Variants in PCDH11X observed in about 807,000 individuals in gnomAD.
The protein encoded by PCDH11X is protocadherin 11 X-linked, also known as protocadherin-11 X-linked.
In PCDH11X, 18 loss-of-function variants were observed where a neutral mutation model predicts 53.3. The observed-to-expected ratio is 0.34, with a 90% confidence interval of 0.23 to 0.50. The LOEUF is 0.50. Ranked by LOEUF, PCDH11X falls within the 20% of genes least tolerant of loss-of-function variation. The probability of loss-of-function intolerance (pLI) is 0.98; values close to 1 mark genes in which losing one functional copy is unlikely to be tolerated. For synonymous variants in PCDH11X, 279 were observed against 393.3 expected, an observed-to-expected ratio of 0.71 and a Z score of 3.44; for missense variants, 570 against 1,032.4, an observed-to-expected ratio of 0.55 and a Z score of 6.14.
chrX:92,201,876 G>A (rs749207767), intron 7 of PCDH11X, among the ~76,000 whole-genome samples: 17 of 111,639 alleles, frequency 1.5e-4, no homozygotes, highest in African/African-American at 5.2e-4. Context: ...CAAATCTGGG[G>A]GATAATGTTA....
Position 92,079,057 on chromosome X carries a change from T to A in PCDH11X, c.3034-122318T>A, listed in dbSNP as rs766541687. Among the ~76,000 whole-genome samples the A allele has an allele frequency of 2.1e-3, 233 of 110,579 alleles. 1 individual carries two copies. The highest frequency in any genetic ancestry group is 7.2e-3 in the African/African-American group (219 of 30,433). ...CTGTTGCAAATGACAAATGTAGTCA[T>A]TTGTAATAAATGGCTACAAACTTAG... On this transcript the variant is annotated intron_variant, in intron 6 of 10. Transcript: ENST00000682573.
rs766179694 is a variant in PCDH11X, at chrX:92,262,586, A to G, written c.3115-528A>G. On this transcript the variant is annotated intron_variant, in intron 7 of 10. Transcript: ENST00000682573. ...AACAGAGTTGATTTAAGATGCCCCT[A>G]TGAACAACAGAAACTATTGATTTAA... Among the ~76,000 whole-genome samples the G allele has an allele frequency of 3.6e-5, 4 of 111,741 alleles. No homozygotes were observed. In the East Asian group the frequency reaches 1.1e-3, roughly 31 times the overall value.
At chrX:91,987,761 C>CT (rs1279370475) in intron 6 of PCDH11X, among the ~76,000 whole-genome samples, 2 of 109,704 alleles carry the variant, frequency 1.8e-5, no homozygotes, top group African/African-American at 3.3e-5. Context: ...CATGAAGTGA[C>CT]TTTTTTTGTT....
intron 6 of PCDH11X, among the ~76,000 whole-genome samples, chrX:91,881,444 C>A (rs1939902654): frequency 9.0e-6 from 1 of 111,119 alleles, no homozygotes; most frequent in Admixed American, 9.6e-5. Context: ...TATTTCACAG[C>A]TTAAAAAGTA....
At chrX:92,200,807 C>A (rs2066376875) in intron 6 of PCDH11X, among the ~76,000 whole-genome samples, 1 of 112,128 alleles carries the variant, frequency 8.9e-6, no homozygotes, top group African/African-American at 3.2e-5. Context: ...GCCCTTGAAG[C>A]CATTAGGTTG....
intron 6 of PCDH11X, among the ~76,000 whole-genome samples, chrX:92,135,756 T>G (rs1469275346): frequency 2.3e-5 from 2 of 87,771 alleles, no homozygotes; most frequent in African/African-American, 1.0e-4. Context: ...TGTGTGCATG[T>G]TTGTGTGTGT....
chrX:92,406,907 A>G (rs1245763544), intron 9 of PCDH11X, among the ~76,000 whole-genome samples: 1 of 96,760 alleles, frequency 1.0e-5, no homozygotes, highest in Non-Finnish European at 2.0e-5. Context: ...AGCCCGGGCA[A>G]CAGAGTGAAA....
chrX:92,420,283 G>T (rs1326238091), intron 9 of PCDH11X, among the ~76,000 whole-genome samples: 1 of 112,083 alleles, frequency 8.9e-6, no homozygotes. Context: ...TTTAAGAAAA[G>T]AAAATTTAGT....
At chrX:92,589,121 A>C (rs1924737584) in intron 10 of PCDH11X, among the ~76,000 whole-genome samples, 1 of 111,938 alleles carries the variant, frequency 8.9e-6, no homozygotes, top group South Asian at 3.7e-4. Context: ...TCAAACATGA[A>C]GGAGAAATAA....
At chrX:92,013,061 T>C (rs909518440) in intron 6 of PCDH11X, among the ~76,000 whole-genome samples, 4 of 110,921 alleles carry the variant, frequency 3.6e-5, no homozygotes, top group Non-Finnish European at 7.5e-5. Flanking sequence ...AAATAAAGGG[T>C]ATTCAATTAG....
chrX:92,051,744 G>A (rs1413780851), intron 6 of PCDH11X, among the ~76,000 whole-genome samples: 1 of 111,185 alleles, frequency 9.0e-6, no homozygotes, highest in Non-Finnish European at 1.9e-5. Context: ...GAGAGCCTGG[G>A]TAAATAACTC....
intron 9 of PCDH11X, among the ~76,000 whole-genome samples, chrX:92,443,123 TAGAG>T (rs2072551799): frequency 9.2e-6 from 1 of 108,395 alleles, no homozygotes; most frequent in African/African-American, 3.4e-5. Context: ...TGTTGTGAGA[TAGAG>T]ATAGTATCTT....
At chrX:92,338,732 T>C (rs1458989831) in intron 8 of PCDH11X, among the ~76,000 whole-genome samples, 1 of 111,787 alleles carries the variant, frequency 8.9e-6, no homozygotes, top group South Asian at 3.7e-4. Flanking sequence ...TCATTTTTAT[T>C]GCTAGCAATT....
chrX:92,508,220 TTTG>T (rs1228539583), intron 10 of PCDH11X, among the ~76,000 whole-genome samples: 55 of 109,425 alleles, frequency 5.0e-4, no homozygotes, highest in African/African-American at 1.1e-3. Context: ...TTTGTTTTTT[TTTG>T]TTGTTTTTTT....
intron 1 of PCDH11X, among the ~76,000 whole-genome samples, chrX:91,807,455 T>G (rs942214403): frequency 1.8e-5 from 2 of 110,694 alleles, no homozygotes; most frequent in Non-Finnish European, 3.8e-5. Context: ...TGAGGATGGT[T>G]TTGTGTGTGT....
chrX:92,201,540 G>A (rs1019901256), intron 7 of PCDH11X, 85 bp downstream of exon 7: 9 of 542,907 alleles, frequency 1.7e-5, no homozygotes, highest in African/African-American at 4.9e-5. Context: ...TAAGTAGTGT[G>A]CATAATGTGT....
In PCDH11X at chrX:92,150,387, T is replaced by C. The variant is rs2065412806; in HGVS notation, c.3034-50988T>C. On this transcript the variant is annotated intron_variant, in intron 6 of 10. Transcript: ENST00000682573. ...TCTCATGGTTATTTTTCATCCATTTTTTTTTTTGGTAAAATGTCTGTTTAC... is the reference window on the plus strand; with the variant it reads ...TCTCATGGTTATTTTTCATCCATTTCTTTTTTTGGTAAAATGTCTGTTTAC... Among the ~76,000 whole-genome samples the C allele has an allele frequency of 2.7e-5, 3 of 110,785 alleles. No individual in the cohort carries two copies. The South Asian group carries it at 1.1e-3, about 42-fold the overall frequency.
At chrX:92,059,688 A>G (rs952056919) in intron 6 of PCDH11X, among the ~76,000 whole-genome samples, 1 of 111,187 alleles carries the variant, frequency 9.0e-6, no homozygotes, top group African/African-American at 3.3e-5. Flanking sequence ...ATGTAGATTT[A>G]TATCATACCT....
chrX:92,304,596 G>A (rs993048572), intron 8 of PCDH11X, among the ~76,000 whole-genome samples: 20 of 111,584 alleles, frequency 1.8e-4, no homozygotes, highest in Non-Finnish European at 3.6e-4. Context: ...GGAGCTGGGG[G>A]AATCCTTAGG....
Sources: gnomAD v4.1 joint callset for allele counts (sites outside exome capture counted in the v4.1 genomes callset) on GRCh38, gnomAD v4.1.1 for gene constraint, MANE v1.5 for transcripts, NCBI Gene and HGNC (gene_info 2026-07-23, HGNC 2026-07-21) for gene names.